WWOX: variants seen among roughly 807,000 people sequenced by gnomAD.
WWOX encodes the protein WW domain-containing oxidoreductase.
A neutral mutation model predicts 46.2 loss-of-function variants in WWOX; 69 were observed. That is an observed-to-expected ratio of 1.49 (90% confidence interval 1.23 to 1.82). The LOEUF is 1.82. Among genes scored for constraint, WWOX ranks in the 40% most tolerant of loss-of-function variants. The pLI is 0.00. For synonymous variants in WWOX, 359 were observed against 202.6 expected (o/e 1.77, Z -6.56); for missense variants, 919 against 542.6 (o/e 1.69, Z -6.89).
chr16:78,903,250 G>A (rs568573726), intron 8 of WWOX, among the ~76,000 whole-genome samples: 1 of 152,306 alleles, frequency 6.6e-6, no homozygotes, highest in South Asian at 2.1e-4. Context: ...ATTGGTTGCA[G>A]AAAGCAACCA....
intron 8 of WWOX, among the ~76,000 whole-genome samples, chr16:78,824,325 G>T (rs189393745): frequency 6.6e-6 from 1 of 152,090 alleles, no homozygotes; most frequent in Non-Finnish European, 1.5e-5. Context: ...ATGTGTGATT[G>T]GTTGATTTAC....
chr16:78,420,229 T>C (rs1454021641), intron 6 of WWOX, among the ~76,000 whole-genome samples: 1 of 152,076 alleles, frequency 6.6e-6, no homozygotes, highest in Non-Finnish European at 1.5e-5. Flanking sequence ...AAGTTAAACA[T>C]TGAATTACCA....
intron 8 of WWOX, among the ~76,000 whole-genome samples, chr16:79,118,402 C>T (rs1343872559): frequency 6.6e-6 from 1 of 151,958 alleles, no homozygotes; most frequent in African/African-American, 2.4e-5. Context: ...TCACAGATCA[C>T]CAAAACTGAT....
intron 8 of WWOX, among the ~76,000 whole-genome samples, chr16:78,735,341 C>G (rs1597514318): frequency 6.6e-6 from 1 of 151,178 alleles, no homozygotes; most frequent in Middle Eastern, 3.4e-3. Context: ...CATTGGTCAT[C>G]AGGTTCTCCA....
At chr16:78,411,160 C>T (rs572334595) in intron 6 of WWOX, among the ~76,000 whole-genome samples, 1 of 152,138 alleles carries the variant, frequency 6.6e-6, no homozygotes, top group African/African-American at 2.4e-5. Flanking sequence ...AGGTCTCACC[C>T]ACCCTTGAGG....
intron 5 of WWOX, among the ~76,000 whole-genome samples, chr16:78,177,160 A>T (rs1239358949): frequency 6.6e-6 from 1 of 152,218 alleles, no homozygotes; most frequent in East Asian, 1.9e-4. Context: ...TCTTTTATAA[A>T]AGGGCGGGTA....
intron 5 of WWOX, among the ~76,000 whole-genome samples, chr16:78,322,037 C>G (rs951943963): frequency 6.6e-6 from 1 of 152,146 alleles, no homozygotes; most frequent in South Asian, 2.1e-4. Flanking sequence ...TGGACAGACC[C>G]AAATGTTTTG....
At chr16:78,176,453 G>A (rs1444289187) in intron 5 of WWOX, among the ~76,000 whole-genome samples, 3 of 152,156 alleles carry the variant, frequency 2.0e-5, no homozygotes, top group African/African-American at 2.4e-5. Flanking sequence ...TCTTTTAAAT[G>A]GCAGGGGAAC....
chr16:78,774,721 A>T (rs1028590197), intron 8 of WWOX, among the ~76,000 whole-genome samples: 3 of 151,906 alleles, frequency 2.0e-5, no homozygotes, highest in Admixed American at 2.0e-4. Flanking sequence ...GTCCCCACCC[A>T]ACACACACAC....
rs559185188 is a variant in WWOX at position 78,680,016 on chromosome 16, G to A, written c.1056+247264G>A. Among the ~76,000 whole-genome samples the A allele has an allele frequency of 5.2e-4, 79 of 152,156 alleles. 1 individual carries two copies. The highest frequency in any genetic ancestry group is 9.1e-4 in the Non-Finnish European group (62 of 68,040). On this transcript the variant is annotated intron_variant, in intron 8 of 8. Transcript: ENST00000566780. The stretch of plus-strand genomic sequence containing the variant: ...CTAACTGACTCCATGCGCTCCTATC[G>A]GTTCTTTATTTTACCTCTGCAAGCC...
chr16:79,167,802 T>C (rs2050624310), intron 8 of WWOX, among the ~76,000 whole-genome samples: 1 of 152,216 alleles, frequency 6.6e-6, no homozygotes, highest in South Asian at 2.1e-4. Context: ...TTCAGTGGCA[T>C]TTAGTGAACT....
intron 8 of WWOX, among the ~76,000 whole-genome samples, chr16:78,800,257 A>AT (rs1567568949): frequency 6.6e-6 from 1 of 152,100 alleles, no homozygotes; most frequent in Non-Finnish European, 1.5e-5. Context: ...CAAAAAAAAA[A>AT]AGTCGAGCTT....
intron 8 of WWOX, among the ~76,000 whole-genome samples, chr16:78,823,837 A>G (rs536265965): frequency 2.6e-5 from 4 of 151,428 alleles, no homozygotes; most frequent in East Asian, 3.9e-4. Context: ...GTACAATGGT[A>G]TGATCATAGC....
intron 8 of WWOX, among the ~76,000 whole-genome samples, chr16:78,761,490 T>C (rs952524535): frequency 7.2e-5 from 11 of 152,200 alleles, no homozygotes; most frequent in African/African-American, 2.2e-4. Flanking sequence ...CTGAAATCTG[T>C]AGTGGTTGGT....
intron 5 of WWOX, among the ~76,000 whole-genome samples, chr16:78,198,682 G>C (rs1451316849): frequency 2.6e-5 from 4 of 152,154 alleles, no homozygotes; most frequent in African/African-American, 7.2e-5. Flanking sequence ...TACGAGCATG[G>C]ATTTAGCTCA....
intron 8 of WWOX, among the ~76,000 whole-genome samples, chr16:78,636,764 A>G (rs570931957): frequency 6.6e-6 from 1 of 152,254 alleles, no homozygotes; most frequent in South Asian, 2.1e-4. Flanking sequence ...CCTGCTCTGG[A>G]GTCATGTGTT....
intron 5 of WWOX, among the ~76,000 whole-genome samples, chr16:78,252,158 T>A (rs1054466956): frequency 2.6e-5 from 4 of 152,102 alleles, no homozygotes; most frequent in African/African-American, 9.7e-5. Flanking sequence ...CTTGCACTTG[T>A]CTCCCACATT....
At chr16:79,011,458 A>T (rs947176328) in intron 8 of WWOX, among the ~76,000 whole-genome samples, 7 of 122,058 alleles carry the variant, frequency 5.7e-5, no homozygotes, top group East Asian at 4.9e-4. Flanking sequence ...TTTATTTTTT[A>T]TTTTATTTAT....
At chr16:78,748,979 G>T (rs1261632227) in intron 8 of WWOX, among the ~76,000 whole-genome samples, 1 of 152,244 alleles carries the variant, frequency 6.6e-6, no homozygotes, top group Non-Finnish European at 1.5e-5. Flanking sequence ...ATTTGAACCT[G>T]ACCAAATCAA....
Sources: gnomAD v4.1 joint callset for allele counts (sites outside exome capture counted in the v4.1 genomes callset) on GRCh38, gnomAD v4.1.1 for gene constraint, MANE v1.5 for transcripts, NCBI Gene and HGNC (gene_info 2026-07-23, HGNC 2026-07-21) for gene names.